The following AKT2 variants were observed in gnomAD, a reference collection of about 807,000 sequenced individuals.
The protein encoded by AKT2 is AKT serine/threonine kinase 2.
Under a neutral mutation model 58.6 loss-of-function variants are expected in AKT2, and 16 were observed. That is an observed-to-expected ratio of 0.27 (90% CI 0.18 to 0.41). The LOEUF (loss-of-function observed/expected upper bound fraction) is 0.41, where lower values mean the gene tolerates loss of function less well. Among genes scored for constraint, AKT2 ranks in the 10% least tolerant of loss-of-function variants. The probability of loss-of-function intolerance (pLI) is 1.00; values close to 1 mark genes in which losing one functional copy is unlikely to be tolerated. For synonymous variants in AKT2, 253 were observed against 254.0 expected (o/e 1.00, Z 0.04); for missense variants, 438 against 661.0 (o/e 0.66, Z 3.70).
At chr19:40,276,996 C>A (rs1220920331) in intron 1 of AKT2, among the ~76,000 whole-genome samples, 1 of 152,136 alleles carries the variant, frequency 6.6e-6, no homozygotes, top group African/African-American at 2.4e-5. Flanking sequence ...GCATTCCAGC[C>A]TGGGTGACAG....
rs1973929762 is a variant in AKT2 at position 40,235,044 on chromosome 19, C to T, written c.1366+1G>A. The T allele has an allele frequency of 6.2e-7, 1 of 1,614,046 alleles. No homozygotes were observed. Among genetic ancestry groups the T allele is most frequent in the Non-Finnish European group, 8.5e-7 (1 of 1,179,884 alleles). ...CCAGCGCGGGGGCCCCAGGCACTCACAGCGGTCAGGGGGTGTGATTGTGAT... is the reference window on the plus strand; with the variant it reads ...CCAGCGCGGGGGCCCCAGGCACTCATAGCGGTCAGGGGGTGTGATTGTGAT... On this transcript the variant is annotated splice_donor_variant, in intron 13 of 13. Coordinates refer to ENST00000392038, the MANE Select transcript of AKT2 (RefSeq NM_001626.6). LOFTEE classifies it high-confidence loss of function. This position sits in a 1 kb window ranked among gnomAD's most constrained non-coding sequence, Gnocchi z 6.3.
At chr19:40,239,083 G>T in intron 7 of AKT2, 110 bp from the exon 8 acceptor site, 1 of 1,197,256 alleles carries the variant, frequency 8.4e-7, no homozygotes, top group Non-Finnish European at 1.2e-6. Flanking sequence ...ACCCTGCCCT[G>T]GCTGGGGCCC....
chr19:40,271,115 G>A (rs1159766967), intron 1 of AKT2, among the ~76,000 whole-genome samples: 1 of 151,128 alleles, frequency 6.6e-6, no homozygotes, highest in African/African-American at 2.4e-5. Flanking sequence ...CAAGGCAAGA[G>A]GATCCTCTGA....
At chr19:40,244,440 T>A (rs1254482770) in intron 4 of AKT2, 1 of 152,062 alleles carries the variant, frequency 6.6e-6, no homozygotes, top group African/African-American at 2.4e-5. Flanking sequence ...AATAATTTTC[T>A]TTGGATACTT....
chr19:40,231,054 A>C lies in AKT2; in HGVS notation c.*2818T>G, dbSNP rs1258775642. The C allele has an allele frequency of 4.6e-6, 1 of 217,794 alleles. No homozygotes were observed. Among genetic ancestry groups the C allele is most frequent in the Non-Finnish European group, 9.2e-6 (1 of 108,620 alleles). 13.5% of individuals were successfully genotyped at this position (217,794 alleles called of 1,614,324 possible). A position where few individuals can be genotyped will look rare whatever the true frequency, so the allele number is the denominator to read the frequency against. On this transcript the variant is annotated 3_prime_UTR_variant, in exon 14 of 14. Transcript: ENST00000392038. ...CTTTATATACAAAAAAGAATGTGTGAAATTTTTAAAATGTACATTGCAAAA... is the reference window on the plus strand; with the variant it reads ...CTTTATATACAAAAAAGAATGTGTGCAATTTTTAAAATGTACATTGCAAAA...
At chr19:40,260,648 A>T (rs895973333) in intron 2 of AKT2, among the ~76,000 whole-genome samples, 389 of 150,666 alleles carry the variant, frequency 2.6e-3, no homozygotes, top group Non-Finnish European at 4.3e-3. Context: ...AAAAAAAAAA[A>T]AAAAAAAAAG....
Position 40,233,370 on chromosome 19 carries a change from G to A in AKT2, c.*502C>T, listed in dbSNP as rs190593262. On this transcript the variant is annotated 3_prime_UTR_variant, in exon 14 of 14. Transcript: ENST00000392038. This position sits in a 1 kb window ranked among gnomAD's most constrained non-coding sequence, Gnocchi z 4.3. ...CATTATTGCTTTTCTGCCCCCATAG[G>A]GGGACAGCGGGTGGGGGATTGGACC... 1.4e-5 allele frequency: 6 copies of A among 423,420 alleles called. No individual in the cohort carries two copies. The highest frequency in any genetic ancestry group is 3.6e-5 in the Admixed American group (1 of 27,782). The allele number at this position is 423,420 out of a possible 1,614,324, so 26.2% of individuals were successfully genotyped here. A position where few individuals can be genotyped will look rare whatever the true frequency, so the allele number is the denominator to read the frequency against.
intron 6 of AKT2, 144 bp downstream of exon 6, chr19:40,241,794 C>T (rs751851533): frequency 1.1e-4 from 136 of 1,270,980 alleles, no homozygotes; most frequent in Non-Finnish European, 1.4e-4. Context: ...GGGCCTCAGG[C>T]TCCCCCTTTT....
intron 1 of AKT2, among the ~76,000 whole-genome samples, chr19:40,267,420 C>T (rs1167459828): frequency 6.6e-6 from 1 of 152,168 alleles, no homozygotes; most frequent in Admixed American, 6.5e-5. Context: ...GTCACTCAAG[C>T]CCTTCCCTCT....
chr19:40,242,752 G>A lies in AKT2; in HGVS notation c.288-65C>T. On this transcript the variant is annotated intron_variant, in intron 4 of 13. Transcript: ENST00000392038. The surrounding 1 kb of genome is among the most constrained non-coding windows in gnomAD (Gnocchi z 4.3). ...CTGGGCCTCAGAGTCGAACAGCTGAGTGCCACCTCCCAGCCACCCCCAGCA... is the reference window on the plus strand; with the variant it reads ...CTGGGCCTCAGAGTCGAACAGCTGAATGCCACCTCCCAGCCACCCCCAGCA... The A allele has an allele frequency of 6.3e-7, 1 of 1,574,948 alleles. No homozygotes were observed. Among genetic ancestry groups the A allele is most frequent in the Non-Finnish European group, 8.6e-7 (1 of 1,159,276 alleles).
chr19:40,260,566 G>A (rs1331637594), intron 2 of AKT2, among the ~76,000 whole-genome samples: 1 of 142,458 alleles, frequency 7.0e-6, no homozygotes, highest in Non-Finnish European at 1.5e-5. Context: ...GGAGGCGGAG[G>A]CTGCAGTGAG....
chr19:40,261,527 C>T (rs1402551136), intron 2 of AKT2, among the ~76,000 whole-genome samples: 3 of 126,274 alleles, frequency 2.4e-5, no homozygotes, highest in African/African-American at 8.0e-5. Flanking sequence ...AGCAAGACTC[C>T]ATCTCAAAAA....
At chr19:40,259,111 A>C (rs552358713) in intron 2 of AKT2, among the ~76,000 whole-genome samples, 1 of 152,248 alleles carries the variant, frequency 6.6e-6, no homozygotes, top group Non-Finnish European at 1.5e-5. Context: ...ATCTACATTC[A>C]ACTGATTTTC....
chr19:40,264,877 G>A (rs987292385), intron 2 of AKT2, among the ~76,000 whole-genome samples: 2 of 152,170 alleles, frequency 1.3e-5, no homozygotes, highest in East Asian at 1.9e-4. Context: ...GGGGCTATCC[G>A]GCACAGCACA....
chr19:40,272,173 C>T (rs1382193537), intron 1 of AKT2, among the ~76,000 whole-genome samples: 1 of 152,240 alleles, frequency 6.6e-6, no homozygotes, highest in Admixed American at 6.5e-5. Flanking sequence ...ATGACTTGCC[C>T]TATGACTTCA....
chr19:40,272,218 A>C (rs747921954), intron 1 of AKT2, among the ~76,000 whole-genome samples: 1 of 152,166 alleles, frequency 6.6e-6, no homozygotes, highest in African/African-American at 2.4e-5. Context: ...CTCCCCCACA[A>C]CACCATGCCA....
At position 40,232,831 on chromosome 19, in the gene AKT2, T is replaced by C. The variant is rs1351556384; in HGVS notation, c.*1041A>G. 1 of 236,308 alleles carries C rather than the reference T, an allele frequency of 4.2e-6. No individual in the cohort carries two copies. Among genetic ancestry groups the C allele is most frequent in the East Asian group, 5.9e-5 (1 of 16,836 alleles). The allele number at this position is 236,308 out of a possible 1,614,324, so 14.6% of individuals were successfully genotyped here. A position where few individuals can be genotyped will look rare whatever the true frequency, so the allele number is the denominator to read the frequency against. On this transcript the variant is annotated 3_prime_UTR_variant, in exon 14 of 14. Transcript: ENST00000392038. ...CATGGACGTGCACTCATGTTCAACCTTAAGGCTGCAGAACGTGGGGCCCTG... is the reference window on the plus strand; with the variant it reads ...CATGGACGTGCACTCATGTTCAACCCTAAGGCTGCAGAACGTGGGGCCCTG...
At chr19:40,283,941 A>T (rs1322318132) in intron 1 of AKT2, among the ~76,000 whole-genome samples, 2 of 152,184 alleles carry the variant, frequency 1.3e-5, no homozygotes, top group Admixed American at 6.5e-5. Flanking sequence ...TGGGAGACAC[A>T]AACAGCTTCG....
In AKT2 at chr19:40,238,816, C is replaced by T; in HGVS notation, c.708+89G>A. On this transcript the variant is annotated intron_variant, in intron 8 of 13. Coordinates refer to ENST00000392038, the MANE Select transcript of AKT2 (RefSeq NM_001626.6). The surrounding 1 kb of genome is among the most constrained non-coding windows in gnomAD (Gnocchi z 5.1). Reference sequence around the variant, plus strand: ...AGATGACACTGAAATTTCCCTCCACCCTTCCATCTCACCCACAGCTCCTCT... The same window carrying T: ...AGATGACACTGAAATTTCCCTCCACTCTTCCATCTCACCCACAGCTCCTCT... 3 of 1,389,960 alleles carry T rather than the reference C, an allele frequency of 2.2e-6. No individual in the cohort carries two copies. The highest frequency in any genetic ancestry group is 2.8e-5 in the African/African-American group (2 of 70,424). 86.1% of individuals were successfully genotyped at this position (1,389,960 alleles called of 1,614,324 possible).
Sources: allele counts gnomAD v4.1 joint callset (sites outside exome capture counted in the v4.1 genomes callset), GRCh38; gene constraint gnomAD v4.1.1; non-coding constraint Gnocchi (gnomAD v3.1); transcripts MANE v1.5; gene names NCBI Gene and HGNC (gene_info 2026-07-23, HGNC 2026-07-21).